RNLS: variants seen among roughly 807,000 people sequenced by gnomAD.
The protein encoded by RNLS is renalase.
A neutral mutation model predicts 39.8 loss-of-function variants in RNLS; 39 were observed. That is an observed-to-expected ratio of 0.98 (90% CI 0.76 to 1.28). The LOEUF is 1.28. Among genes scored for constraint, RNLS ranks in the 50% most tolerant of loss-of-function variants. The pLI, the probability that RNLS is intolerant of heterozygous loss-of-function variation, is 0.00. For synonymous variants in RNLS, 147 were observed against 150.7 expected (o/e 0.98, Z 0.18); for missense variants, 410 against 413.3 (o/e 0.99, Z 0.07).
chr10:88,507,880 A>T (rs1370309748), intron 4 of RNLS, among the ~76,000 whole-genome samples: 1 of 152,158 alleles, frequency 6.6e-6, no homozygotes, highest in Non-Finnish European at 1.5e-5. Flanking sequence ...GATTACATGT[A>T]AATCTAATGT....
the RNLS span, among the ~76,000 whole-genome samples, chr10:88,202,200 A>C: frequency 1.3e-5 from 2 of 151,664 alleles, no homozygotes; most frequent in South Asian, 4.2e-4. Context: ...TCGCAAGGAC[A>C]AAAAACCAAG....
intron 4 of RNLS, among the ~76,000 whole-genome samples, chr10:88,436,381 T>A (rs1023231747): frequency 6.6e-6 from 1 of 152,138 alleles, no homozygotes; most frequent in Admixed American, 6.5e-5. Flanking sequence ...TTCAATCAGG[T>A]ATAACCTCGG....
At chr10:88,380,771 C>A (rs1851420389) in intron 4 of RNLS, among the ~76,000 whole-genome samples, 1 of 152,090 alleles carries the variant, frequency 6.6e-6, no homozygotes, top group South Asian at 2.1e-4. Flanking sequence ...TATACCTTTT[C>A]TTATTCATCA....
intron 4 of RNLS, among the ~76,000 whole-genome samples, chr10:88,461,596 A>G (rs989440822): frequency 2.6e-5 from 4 of 152,104 alleles, no homozygotes; most frequent in African/African-American, 9.7e-5. Context: ...GAATAGTCAC[A>G]TTCTTATGTG....
chr10:88,284,344 G>A lies in RNLS; in HGVS notation c.*1010C>T. ...TTTCTCCTTTCAAAATGCTGAAATA[G>A]AACTCATCATTTTGCTTTTCAAATT... On this transcript the variant is annotated 3_prime_UTR_variant, in exon 7 of 7. Coordinates refer to ENST00000331772, the MANE Select transcript of RNLS (RefSeq NM_001031709.3). 1 of 985,300 alleles carries A rather than the reference G, an allele frequency of 1.0e-6. No individual in the cohort carries two copies. Among genetic ancestry groups the A allele is most frequent in the Non-Finnish European group, 1.2e-6 (1 of 829,844 alleles). 61.0% of individuals were successfully genotyped at this position (985,300 alleles called of 1,614,324 possible).
At chr10:88,323,837 G>C (rs1399573368) in intron 5 of RNLS, among the ~76,000 whole-genome samples, 2 of 152,032 alleles carry the variant, frequency 1.3e-5, no homozygotes, top group Non-Finnish European at 2.9e-5. Context: ...ATCTGACAAA[G>C]GTCTAATATC....
At chr10:88,176,248 C>T in the RNLS span, among the ~76,000 whole-genome samples, 2 of 151,830 alleles carry the variant, frequency 1.3e-5, no homozygotes, top group Non-Finnish European at 1.5e-5. Context: ...AATCTCGGCT[C>T]ACTGCAACCT....
the RNLS span, among the ~76,000 whole-genome samples, chr10:88,205,282 T>G: frequency 1.3e-5 from 2 of 152,074 alleles, no homozygotes; most frequent in African/African-American, 4.8e-5. Flanking sequence ...GTGGGTGATA[T>G]GTTTTCTACT....
At chr10:88,287,809 C>A (rs753481142) in intron 6 of RNLS, among the ~76,000 whole-genome samples, 8 of 152,036 alleles carry the variant, frequency 5.3e-5, no homozygotes, top group Non-Finnish European at 1.2e-4. Flanking sequence ...ATCATGAGCA[C>A]AGAATAGCGG....
the RNLS span, among the ~76,000 whole-genome samples, chr10:88,204,023 G>A: frequency 6.6e-6 from 1 of 151,914 alleles, no homozygotes; most frequent in African/African-American, 2.4e-5. Context: ...AGGTGCTCTC[G>A]CTTGGCATAT....
At chr10:88,219,013 C>T in the RNLS span, among the ~76,000 whole-genome samples, 4 of 152,184 alleles carry the variant, frequency 2.6e-5, no homozygotes, top group African/African-American at 9.7e-5. Flanking sequence ...TTATATCATC[C>T]AGTATTTGCA....
At chr10:88,312,364 C>T (rs1283668724) in intron 6 of RNLS, among the ~76,000 whole-genome samples, 1 of 152,178 alleles carries the variant, frequency 6.6e-6, no homozygotes, top group Non-Finnish European at 1.5e-5. Flanking sequence ...AATGGATTCT[C>T]TCCTAGGGCC....
At chr10:88,333,104 T>C (rs1173384884) in intron 5 of RNLS, among the ~76,000 whole-genome samples, 2 of 152,184 alleles carry the variant, frequency 1.3e-5, no homozygotes, top group Non-Finnish European at 2.9e-5. Context: ...ACAGGAACCA[T>C]GACATATTAA....
chr10:88,345,961 CATA>C (rs1021991354), intron 5 of RNLS, among the ~76,000 whole-genome samples: 4 of 152,044 alleles, frequency 2.6e-5, no homozygotes, highest in African/African-American at 9.7e-5. Context: ...TTTTACCACT[CATA>C]ATAATAAAAA....
chr10:88,312,993 T>G (rs1274866498), intron 6 of RNLS, among the ~76,000 whole-genome samples: 1 of 152,202 alleles, frequency 6.6e-6, no homozygotes, highest in African/African-American at 2.4e-5. Flanking sequence ...TTGCAGCCAA[T>G]GTAGACTTCA....
At chr10:88,438,502 C>A (rs1254667776) in intron 4 of RNLS, among the ~76,000 whole-genome samples, 1 of 152,186 alleles carries the variant, frequency 6.6e-6, no homozygotes, top group African/African-American at 2.4e-5. Flanking sequence ...TTTGTTCCCC[C>A]ATCTGATGCC....
intron 4 of RNLS, among the ~76,000 whole-genome samples, chr10:88,527,902 C>A (rs185454852): frequency 6.7e-6 from 1 of 148,902 alleles, no homozygotes; most frequent in East Asian, 2.0e-4. Flanking sequence ...TAAGATAGTG[C>A]ATCCAGAAAA....
the RNLS span, among the ~76,000 whole-genome samples, chr10:88,205,982 C>T: frequency 1.3e-3 from 191 of 152,256 alleles, 2 homozygotes; most frequent in South Asian, 6.4e-3. Flanking sequence ...AAAGTTTATG[C>T]CTATTGATCA....
chr10:88,498,117 A>G (rs180711287), intron 4 of RNLS, among the ~76,000 whole-genome samples: 356 of 152,206 alleles, frequency 2.3e-3, no homozygotes, highest in Non-Finnish European at 2.6e-3. Flanking sequence ...AAAGGGAAAA[A>G]TAGTAGCCTA....
Sources: allele counts gnomAD v4.1 joint callset (sites outside exome capture counted in the v4.1 genomes callset), GRCh38; gene constraint gnomAD v4.1.1; transcripts MANE v1.5; gene names NCBI Gene and HGNC (gene_info 2026-07-23, HGNC 2026-07-21).